Variants in LUC7L2 observed in about 807,000 individuals in gnomAD.
LUC7L2 encodes the protein LUC7 like 2, pre-mRNA splicing factor, also known as putative RNA-binding protein Luc7-like 2.
In LUC7L2, 25 loss-of-function variants were observed where a neutral mutation model predicts 52.8. The observed-to-expected ratio is 0.47, with a 90% confidence interval of 0.34 to 0.66. The LOEUF (loss-of-function observed/expected upper bound fraction) is 0.66, where lower values mean the gene tolerates loss of function less well. Ranked by LOEUF, LUC7L2 falls within the 30% of genes least tolerant of loss-of-function variation. The probability of loss-of-function intolerance (pLI) is 0.01; values close to 1 mark genes in which losing one functional copy is unlikely to be tolerated. For synonymous variants in LUC7L2, 144 were observed against 160.9 expected (o/e 0.89, Z 0.80); for missense variants, 328 against 497.8 (o/e 0.66, Z 3.25).
chr7:139,381,721 C>G (rs1445725251), intron 2 of LUC7L2, among the ~76,000 whole-genome samples: 2 of 151,156 alleles, frequency 1.3e-5, no homozygotes, highest in African/African-American at 4.9e-5. Flanking sequence ...AGATTACAGA[C>G]ACACGCCACC....
intron 2 of LUC7L2, among the ~76,000 whole-genome samples, chr7:139,382,762 T>G (rs779501841): frequency 1.3e-5 from 2 of 152,228 alleles, no homozygotes; most frequent in Non-Finnish European, 2.9e-5. Flanking sequence ...TTGTCAGATA[T>G]TCTGACTGAA....
intron 3 of LUC7L2, among the ~76,000 whole-genome samples, chr7:139,400,878 T>C (rs1231441045): frequency 6.6e-6 from 1 of 152,262 alleles, no homozygotes; most frequent in Non-Finnish European, 1.5e-5. Flanking sequence ...TAAAAGCTGT[T>C]TAAGAAATGA....
intron 2 of LUC7L2, among the ~76,000 whole-genome samples, chr7:139,382,072 A>T (rs919734511): frequency 6.6e-6 from 1 of 151,602 alleles, no homozygotes; most frequent in Non-Finnish European, 1.5e-5. Context: ...TTTGTATTTT[A>T]GTAGAGATGG....
rs557149707 is a variant in LUC7L2 at position 139,412,467 on chromosome 7, G to A, written c.780-84G>A. ...ATTTATAAAATTAATGTAAACATTAGAAATCAGGAAGAATATAATGTAACA... is the reference window on the plus strand; with the variant it reads ...ATTTATAAAATTAATGTAAACATTAAAAATCAGGAAGAATATAATGTAACA... On this transcript the variant is annotated intron_variant, in intron 7 of 9. Transcript: ENST00000354926. The A allele has an allele frequency of 3.4e-6, 5 of 1,479,274 alleles. No homozygotes were observed. The Admixed American group carries it at 6.6e-5, about 20-fold the overall frequency. 91.6% of individuals were successfully genotyped at this position (1,479,274 alleles called of 1,614,324 possible). A position where few individuals can be genotyped will look rare whatever the true frequency, so the allele number is the denominator to read the frequency against.
rs1794304732 is a variant in LUC7L2 at position 139,388,555 on chromosome 7, TGCTTGA to T, written c.157-10040_157-10035del. Among the ~76,000 whole-genome samples, 3 of 151,698 alleles carry T rather than the reference TGCTTGA, an allele frequency of 2.0e-5. No individual in the cohort carries two copies. The Admixed American group carries it at 2.0e-4, about 10-fold the overall frequency. On this transcript the variant is annotated intron_variant, in intron 2 of 9. Transcript: ENST00000354926. The stretch of plus-strand genomic sequence containing the variant: ...TTCGTTAGAGCATCTTCTGGAAAAA[TGCTTGA>T]GCTGTAACTATGGGGAGGAATATGT...
chr7:139,416,040 AATATATATATATATAT>A (rs66498771), intron 8 of LUC7L2: 302 of 97,842 alleles, frequency 3.1e-3, no homozygotes, highest in South Asian at 0.02. Flanking sequence ...TGAGGTATAA[AATATATATATATATAT>A]ATATATATAT....
chr7:139,371,388 C>A, intron 1 of LUC7L2: 1 of 1,039,850 alleles, frequency 9.6e-7, no homozygotes, highest in Non-Finnish European at 1.5e-6. Context: ...TTTGCTTAGC[C>A]TTCACAGTTG....
intron 5 of LUC7L2, among the ~76,000 whole-genome samples, chr7:139,406,790 GTCTTT>G (rs1443696373): frequency 2.0e-5 from 3 of 152,064 alleles, no homozygotes; most frequent in Non-Finnish European, 2.9e-5. Context: ...TGCAATTCGT[GTCTTT>G]TCTTAATTAA....
At chr7:139,399,235 A>G (rs78382957) in intron 3 of LUC7L2, among the ~76,000 whole-genome samples, 1,976 of 152,192 alleles carry the variant, frequency 0.013, 46 homozygotes, top group African/African-American at 0.045. Context: ...CAAACATTAC[A>G]GTATAACTGT....
chr7:139,410,747 C>G (rs1467276234), intron 7 of LUC7L2, among the ~76,000 whole-genome samples: 1 of 152,076 alleles, frequency 6.6e-6, no homozygotes, highest in Non-Finnish European at 1.5e-5. Flanking sequence ...AATTAAAACC[C>G]TTTGTAGTAT....
At chr7:139,373,787 T>A (rs1800575418) in intron 1 of LUC7L2, among the ~76,000 whole-genome samples, 1 of 152,240 alleles carries the variant, frequency 6.6e-6, no homozygotes, top group South Asian at 2.1e-4. Flanking sequence ...CCATGAATAC[T>A]GATTTTATTC....
rs762076915 is a variant in LUC7L2 at position 139,422,252 on chromosome 7, G to A, written c.1091G>A (p.Arg364Gln). 6 of 1,614,192 alleles carry A rather than the reference G, an allele frequency of 3.7e-6. No homozygotes were observed. Among genetic ancestry groups the A allele is most frequent in the African/African-American group, 1.3e-5 (1 of 75,060 alleles). The change falls in exon 10 of 10, where the codon CGG becomes CAG. Residue 364 changes from arginine (R) to glutamine (Q), a missense_variant. Coordinates refer to ENST00000354926, the MANE Select transcript of LUC7L2 (RefSeq NM_016019.5). ...GACAGATCACCTCGTGACAGAGATC[G>A]GAAAGATAAGAAGCGGTCCTATGAG... ...SRDRSPRDRD[R>Q]KDKKRSYESA... is the part of the protein sequence containing the mutation.
At chr7:139,402,074 A>T (rs1794940282) in intron 3 of LUC7L2, 63 bp from the exon 4 acceptor site, 2 of 1,474,112 alleles carry the variant, frequency 1.4e-6, no homozygotes, top group Middle Eastern at 1.9e-4. Flanking sequence ...TGATTTTTGT[A>T]TGAAGATATT....
At chr7:139,398,876 C>G (rs1247984734) in intron 3 of LUC7L2, among the ~76,000 whole-genome samples, 179 bp downstream of exon 3, 2 of 152,072 alleles carry the variant, frequency 1.3e-5, no homozygotes, top group Non-Finnish European at 2.9e-5. Context: ...TGAGGTGAGA[C>G]TGTATTTTAA....
At chr7:139,376,502 C>T (rs1283805042) in intron 2 of LUC7L2, among the ~76,000 whole-genome samples, 1 of 152,024 alleles carries the variant, frequency 6.6e-6, no homozygotes, top group Non-Finnish European at 1.5e-5. Flanking sequence ...AGACTTTTAT[C>T]TAGTACGGTA....
At chr7:139,353,055 G>A (rs975736918) in intron 1 of LUC7L2, among the ~76,000 whole-genome samples, 2 of 152,010 alleles carry the variant, frequency 1.3e-5, no homozygotes, top group Admixed American at 1.3e-4. Flanking sequence ...AAAATTAGCT[G>A]GGCTTGGTGC....
At chr7:139,345,599 A>G in intron 1 of LUC7L2, 1 of 1,614,070 alleles carries the variant, frequency 6.2e-7, no homozygotes, top group Middle Eastern at 1.6e-4. Context: ...ATGTGGCCCT[A>G]CATCAGGAAT....
At chr7:139,389,119 A>G (rs1213337811) in intron 2 of LUC7L2, among the ~76,000 whole-genome samples, 1 of 149,176 alleles carries the variant, frequency 6.7e-6, no homozygotes, top group Non-Finnish European at 1.5e-5. Context: ...TTTCTCTTCT[A>G]ATTTGACCCC....
chr7:139,409,529 G>C, intron 6 of LUC7L2, 34 bp from the exon 7 acceptor site: 1 of 1,578,236 alleles, frequency 6.3e-7, no homozygotes, highest in Non-Finnish European at 8.6e-7. Context: ...AATGGACTCA[G>C]TAAATATTCT....
Sources: gnomAD v4.1 joint callset for allele counts (sites outside exome capture counted in the v4.1 genomes callset) on GRCh38, gnomAD v4.1.1 for gene constraint, MANE v1.5 for transcripts, NCBI Gene and HGNC (gene_info 2026-07-23, HGNC 2026-07-21) for gene names.